SEPTIN9: variants seen among roughly 807,000 people sequenced by gnomAD.
SEPTIN9 encodes septin 9.
SEPTIN9 carries 13 observed loss-of-function variants against 56.6 expected under a neutral mutation model. The ratio of observed to expected loss-of-function variants is 0.23; its 90% confidence interval spans 0.15 to 0.37. The LOEUF (loss-of-function observed/expected upper bound fraction) is 0.37, where lower values mean the gene tolerates loss of function less well. SEPTIN9 is among the 10% of genes least tolerant of loss of function. SEPTIN9 has a pLI of 1.00. For synonymous variants in SEPTIN9, 332 were observed against 334.1 expected (o/e 0.99, Z 0.07); for missense variants, 650 against 823.1 (o/e 0.79, Z 2.57).
intron 4 of SEPTIN9, among the ~76,000 whole-genome samples, chr17:77,485,784 C>T (rs983448084): frequency 1.3e-5 from 2 of 152,100 alleles, no homozygotes; most frequent in African/African-American, 4.8e-5. Context: ...CAGGAGCCCA[C>T]ACTTTTCCTA....
chr17:77,324,528 A>G (rs1029362946), intron 2 of SEPTIN9, among the ~76,000 whole-genome samples: 3 of 152,084 alleles, frequency 2.0e-5, no homozygotes, highest in Admixed American at 1.3e-4. Context: ...GCGTCTTCCT[A>G]CCTGCCCAGA....
chr17:77,320,449 C>T (rs149439565), intron 2 of SEPTIN9: 4 of 1,003,032 alleles, frequency 4.0e-6, no homozygotes, highest in East Asian at 2.4e-5. Context: ...CGCTTTTGCT[C>T]ATTTTTCACA....
intron 3 of SEPTIN9, 61 bp from the exon 4 acceptor site, chr17:77,482,083 T>C: frequency 1.4e-6 from 2 of 1,464,018 alleles, no homozygotes; most frequent in Non-Finnish European, 1.8e-6. Flanking sequence ...GACAACCACC[T>C]GGCAGGCGCC....
intron 2 of SEPTIN9, chr17:77,376,442 G>A (rs983730272): frequency 5.1e-5 from 50 of 973,708 alleles, no homozygotes; most frequent in Non-Finnish European, 5.6e-5. Context: ...TCCTTACAGC[G>A]CTGGGATGGT....
chr17:77,428,813 G>A (rs1241705765), intron 3 of SEPTIN9: 2 of 368,456 alleles, frequency 5.4e-6, no homozygotes, highest in South Asian at 2.0e-5. Context: ...TGGGCCCAAA[G>A]GAGCTGGAAG....
At position 77,318,800 on chromosome 17, in the gene SEPTIN9, C is replaced by T. The variant is rs1171713565; in HGVS notation, c.76+11603C>T. Among the ~76,000 whole-genome samples the T allele has an allele frequency of 2.0e-5, 3 of 152,106 alleles. No homozygotes were observed. The highest frequency in any genetic ancestry group is 6.5e-5 in the Admixed American group (1 of 15,276). ...AGGGCCTTTGGCTCTGTCATCTAGC[C>T]GAGGGCTGTGCATGGGCCTCACCTG... On this transcript the variant is annotated intron_variant, in intron 2 of 11. Transcript: ENST00000427177. The surrounding 1 kb of genome is among the most constrained non-coding windows in gnomAD (Gnocchi z 4.9).
At chr17:77,426,644 G>C (rs536700124) in intron 3 of SEPTIN9, among the ~76,000 whole-genome samples, 38 of 152,162 alleles carry the variant, frequency 2.5e-4, no homozygotes, top group African/African-American at 2.7e-4. Flanking sequence ...CCTCCTGGCC[G>C]CCTCATTCAG....
intron 3 of SEPTIN9, among the ~76,000 whole-genome samples, chr17:77,459,065 G>C (rs79257211): frequency 1.3e-5 from 2 of 152,296 alleles, no homozygotes; most frequent in Admixed American, 1.3e-4. Flanking sequence ...GGCCACGGTC[G>C]GCCCCACACG....
intron 3 of SEPTIN9, among the ~76,000 whole-genome samples, chr17:77,468,682 C>A (rs1022504776): frequency 6.6e-6 from 1 of 152,160 alleles, no homozygotes; most frequent in Non-Finnish European, 1.5e-5. Flanking sequence ...TCTGGAGCCA[C>A]AGGAATCTGG....
chr17:77,442,886 A>T (rs1047534087), intron 3 of SEPTIN9, among the ~76,000 whole-genome samples: 1 of 145,434 alleles, frequency 6.9e-6, no homozygotes, highest in Non-Finnish European at 1.5e-5. Flanking sequence ...AAAACAAATA[A>T]AAAAAAAAAA....
intron 3 of SEPTIN9, among the ~76,000 whole-genome samples, chr17:77,461,233 G>GA (rs2038459566): frequency 6.6e-6 from 1 of 151,406 alleles, no homozygotes; most frequent in Admixed American, 6.6e-5. Context: ...TCAAATCCAG[G>GA]AGGCGGAGGT....
intron 2 of SEPTIN9, chr17:77,373,357 G>A (rs1029649573): frequency 3.4e-6 from 4 of 1,192,482 alleles, no homozygotes; most frequent in Non-Finnish European, 4.1e-6. Context: ...CTGAGCCAGG[G>A]GGCCTAGGGG....
intron 3 of SEPTIN9, chr17:77,466,663 G>C (rs2038747271): frequency 1.2e-6 from 1 of 848,942 alleles, no homozygotes; most frequent in Admixed American, 6.2e-5. Context: ...GGTCGGGGCA[G>C]TGTGGGAGAC....
At chr17:77,293,790 C>G (rs1046178161) in intron 1 of SEPTIN9, among the ~76,000 whole-genome samples, 1 of 152,106 alleles carries the variant, frequency 6.6e-6, no homozygotes, top group Non-Finnish European at 1.5e-5. Flanking sequence ...TTTGTAATAT[C>G]GTTTTCTATT....
At chr17:77,481,158 G>A (rs534792946) in intron 3 of SEPTIN9, among the ~76,000 whole-genome samples, 193 of 152,336 alleles carry the variant, frequency 1.3e-3, no homozygotes, top group African/African-American at 4.4e-3. Context: ...TCTTCCGGGC[G>A]TCCGCCCCCA....
chr17:77,417,845 GTT>G (rs2036557464), intron 3 of SEPTIN9, among the ~76,000 whole-genome samples: 1 of 152,196 alleles, frequency 6.6e-6, no homozygotes, highest in Admixed American at 6.5e-5. Flanking sequence ...CGGAGGGGGG[GTT>G]CCAGGAACCC....
chr17:77,486,490 G>GTGTA (rs1191021028), intron 4 of SEPTIN9, among the ~76,000 whole-genome samples: 4 of 87,844 alleles, frequency 4.6e-5, no homozygotes, highest in African/African-American at 2.7e-4. Context: ...CTGGAGGGGT[G>GTGTA]TGTGTGTGTG....
chr17:77,295,613 C>T (rs542785604), intron 1 of SEPTIN9, among the ~76,000 whole-genome samples: 1 of 152,274 alleles, frequency 6.6e-6, no homozygotes, highest in South Asian at 2.1e-4. Context: ...TTCTCCCACA[C>T]AAAGGAGGGC....
At chr17:77,498,420 GCA>G in intron 11 of SEPTIN9, 101 bp from the exon 12 acceptor site, 3 of 725,968 alleles carry the variant, frequency 4.1e-6, no homozygotes, top group Non-Finnish European at 4.8e-6. Flanking sequence ...GGGGGTGGGG[GCA>G]GGCGGGCCTG....
Sources: gnomAD v4.1 joint callset for allele counts (sites outside exome capture counted in the v4.1 genomes callset) on GRCh38, gnomAD v4.1.1 for gene constraint, Gnocchi (gnomAD v3.1) non-coding constraint, MANE v1.5 for transcripts, NCBI Gene and HGNC (gene_info 2026-07-23, HGNC 2026-07-21) for gene names.